Variants in CCNY observed in about 807,000 individuals in gnomAD.
CCNY encodes the protein cyclin-Y.
Under a neutral mutation model 42.8 loss-of-function variants are expected in CCNY, and 19 were observed. That is an observed-to-expected ratio of 0.44 (90% CI 0.31 to 0.65). The LOEUF (loss-of-function observed/expected upper bound fraction) is 0.65, where lower values mean the gene tolerates loss of function less well. Ranked by LOEUF, CCNY falls within the 30% of genes least tolerant of loss-of-function variation. The probability of loss-of-function intolerance (pLI) is 0.07; values close to 1 mark genes in which losing one functional copy is unlikely to be tolerated. For missense variants in CCNY, 370 were observed against 437.3 expected, an observed-to-expected ratio of 0.85 and a Z score of 1.37; for synonymous variants, 165 against 162.7, an observed-to-expected ratio of 1.01 and a Z score of -0.11.
intron 2 of CCNY, among the ~76,000 whole-genome samples, chr10:35,493,017 G>A (rs1026595855): frequency 6.6e-6 from 1 of 152,056 alleles, no homozygotes; most frequent in Non-Finnish European, 1.5e-5. Flanking sequence ...CAGGTATCAG[G>A]TTTCTTGGCC....
Position 35,249,082 on chromosome 10 carries a change from G to A in CCNY, c.-114+871G>A, listed in dbSNP as rs141864921. On this transcript the variant is annotated intron_variant, in intron 2 of 11. Transcript: ENST00000374706. Reference sequence around the variant, plus strand: ...CCCACCTCAACCCCAACAGGTGCATGCCACCACTCCTGGCTAATTTTTTTG... The same window carrying A: ...CCCACCTCAACCCCAACAGGTGCATACCACCACTCCTGGCTAATTTTTTTG... Among the ~76,000 whole-genome samples the A allele has an allele frequency of 3.4e-3, 517 of 152,102 alleles. 4 individuals carry two copies. Among genetic ancestry groups the A allele is most frequent in the African/African-American group, 0.012 (499 of 41,496 alleles).
At position 35,530,305 on chromosome 10, in the gene CCNY, T is replaced by A; in HGVS notation, c.579+62T>A. ...CGAGGTGGTCCAGGGCCCGTTCCTG[T>A]TACTCAGCGGAGTGAGGTTGGAGCA... On this transcript the variant is annotated intron_variant, in intron 7 of 9. Coordinates refer to ENST00000374704, the MANE Select transcript of CCNY (RefSeq NM_145012.6). The surrounding 1 kb of genome is among the most constrained non-coding windows in gnomAD (Gnocchi z 4.3). The A allele has an allele frequency of 7.5e-6, 12 of 1,605,280 alleles. No individual in the cohort carries two copies. The highest frequency in any genetic ancestry group is 1.0e-5 in the Non-Finnish European group (12 of 1,175,642).
At chr10:35,518,498 G>T (rs6481958) in intron 4 of CCNY, among the ~76,000 whole-genome samples, 46,702 of 134,636 alleles carry the variant, frequency 0.35, 8,484 homozygotes, top group African/African-American at 0.45. Flanking sequence ...TTATTTGGAT[G>T]TGTAACAGCT....
intron 3 of CCNY, among the ~76,000 whole-genome samples, chr10:35,326,126 G>T (rs931434896): frequency 2.0e-5 from 3 of 151,946 alleles, no homozygotes; most frequent in Non-Finnish European, 4.4e-5. Flanking sequence ...AAAATAAAAT[G>T]CGCCCATTTT....
intron 1 of CCNY, among the ~76,000 whole-genome samples, chr10:35,397,625 G>C (rs940679396): frequency 4.6e-5 from 7 of 152,136 alleles, no homozygotes; most frequent in Non-Finnish European, 1.0e-4. Context: ...TGTATGCAGG[G>C]TACCAAATGA....
At chr10:35,370,655 T>C (rs1490255170) in intron 1 of CCNY, among the ~76,000 whole-genome samples, 1 of 151,972 alleles carries the variant, frequency 6.6e-6, no homozygotes, top group Non-Finnish European at 1.5e-5. Context: ...AAGTGCCTTA[T>C]ATTTCCCTAT....
intron 1 of CCNY, among the ~76,000 whole-genome samples, chr10:35,359,362 A>G (rs1312682410): frequency 6.6e-6 from 1 of 152,132 alleles, no homozygotes; most frequent in Non-Finnish European, 1.5e-5. Context: ...CTCCCTGTAC[A>G]TATTTGGAGC....
chr10:35,317,312 A>G (rs901297887), intron 3 of CCNY, among the ~76,000 whole-genome samples: 3 of 152,136 alleles, frequency 2.0e-5, no homozygotes, highest in African/African-American at 4.8e-5. Flanking sequence ...CTTTCTGATC[A>G]CACTCTGCAC....
Position 35,503,087 on chromosome 10 carries a change from G to T in CCNY, c.264+1552G>T, listed in dbSNP as rs1840143286. Reference sequence around the variant, plus strand: ...CATACCTCTTTTAACATCCCTGCACGCCCCACCCCCCCAACAGGCACACAC... The same window carrying T: ...CATACCTCTTTTAACATCCCTGCACTCCCCACCCCCCCAACAGGCACACAC... On this transcript the variant is annotated intron_variant, in intron 3 of 9. Transcript: ENST00000374704. Among the ~76,000 whole-genome samples, 4 of 151,848 alleles carry T rather than the reference G, an allele frequency of 2.6e-5. No individual in the cohort carries two copies. The South Asian group carries it at 8.3e-4, about 32-fold the overall frequency.
intron 3 of CCNY, among the ~76,000 whole-genome samples, chr10:35,263,030 T>C (rs1408836407): frequency 6.6e-6 from 1 of 151,676 alleles, no homozygotes; most frequent in African/African-American, 2.4e-5. Context: ...CCAGCCTGAC[T>C]GAGCAATATA....
chr10:35,455,062 A>G (rs1422625477), intron 1 of CCNY, among the ~76,000 whole-genome samples: 1 of 152,200 alleles, frequency 6.6e-6, no homozygotes, highest in African/African-American at 2.4e-5. Flanking sequence ...GGAAGAAAAT[A>G]CTGCCTCCCC....
chr10:35,440,076 C>T (rs2135293902), intron 1 of CCNY, among the ~76,000 whole-genome samples: 1 of 152,312 alleles, frequency 6.6e-6, no homozygotes, highest in East Asian at 1.9e-4. Context: ...TTAGGCCTCA[C>T]ACTCAGCCTT....
chr10:35,466,052 A>G (rs1839263397), intron 1 of CCNY, among the ~76,000 whole-genome samples: 1 of 152,022 alleles, frequency 6.6e-6, no homozygotes, highest in African/African-American at 2.4e-5. Context: ...CAGTCCATTC[A>G]GTTCCATTCC....
chr10:35,277,028 TG>T (rs1222586980), intron 3 of CCNY, among the ~76,000 whole-genome samples: 1 of 152,206 alleles, frequency 6.6e-6, no homozygotes, highest in Non-Finnish European at 1.5e-5. Flanking sequence ...TCCAGCACCT[TG>T]GGATTCCATC....
chr10:35,359,242 A>G (rs1836627715), intron 1 of CCNY, among the ~76,000 whole-genome samples: 1 of 152,100 alleles, frequency 6.6e-6, no homozygotes, highest in Admixed American at 6.6e-5. Context: ...GGGTCGACAG[A>G]TGCTGTTGTG....
chr10:35,561,842 G>C (rs978283260), intron 8 of CCNY, among the ~76,000 whole-genome samples: 1 of 152,238 alleles, frequency 6.6e-6, no homozygotes, highest in African/African-American at 2.4e-5. Context: ...ACTGTACGAC[G>C]AGTGTCACTG....
intron 2 of CCNY, among the ~76,000 whole-genome samples, chr10:35,491,513 C>T (rs1839895164): frequency 6.6e-6 from 1 of 152,228 alleles, no homozygotes; most frequent in Admixed American, 6.5e-5. Flanking sequence ...GCCTGGTAGA[C>T]AGCCAGTCTG....
chr10:35,251,499 T>C (rs1306063126), intron 3 of CCNY, among the ~76,000 whole-genome samples: 2 of 152,152 alleles, frequency 1.3e-5, no homozygotes, highest in Non-Finnish European at 2.9e-5. Flanking sequence ...TAAAGTAACA[T>C]GACTGCAGAT....
chr10:35,371,221 C>T (rs907536929), intron 1 of CCNY, among the ~76,000 whole-genome samples: 88 of 152,176 alleles, frequency 5.8e-4, no homozygotes, highest in African/African-American at 1.8e-3. Context: ...AACGTGATAC[C>T]TGTGTAGTGG....
Sources: allele counts gnomAD v4.1 joint callset (sites outside exome capture counted in the v4.1 genomes callset), GRCh38; gene constraint gnomAD v4.1.1; non-coding constraint Gnocchi (gnomAD v3.1); transcripts MANE v1.5; gene names NCBI Gene and HGNC (gene_info 2026-07-23, HGNC 2026-07-21).